FAM110B: variants seen among roughly 807,000 people sequenced by gnomAD.
FAM110B encodes the protein family with sequence similarity 110 member B.
FAM110B carries 6 observed loss-of-function variants against 20.4 expected under a neutral mutation model. That is an observed-to-expected ratio of 0.29 (90% confidence interval 0.16 to 0.58). The LOEUF (loss-of-function observed/expected upper bound fraction) is 0.58. Ranked by LOEUF, FAM110B falls within the 20% of genes least tolerant of loss-of-function variation. The pLI, the probability that FAM110B is intolerant of heterozygous loss-of-function variation, is 0.90. For synonymous variants in FAM110B, 226 were observed against 214.1 expected (o/e 1.06, Z -0.49); for missense variants, 434 against 498.2 (o/e 0.87, Z 1.23).
intron 2 of FAM110B, among the ~76,000 whole-genome samples, chr8:58,071,703 A>G (rs1254979917): frequency 6.6e-6 from 1 of 152,180 alleles, no homozygotes; most frequent in Non-Finnish European, 1.5e-5. Context: ...TTAAGGGGAA[A>G]AAAAGGAATA....
At chr8:58,040,781 T>C (rs1458704461) in intron 2 of FAM110B, among the ~76,000 whole-genome samples, 1 of 152,154 alleles carries the variant, frequency 6.6e-6, no homozygotes, top group African/African-American at 2.4e-5. Flanking sequence ...AAAATCAGTT[T>C]TTAATGAGAC....
rs112866276 is a variant in FAM110B at position 58,110,049 on chromosome 8, TA to T, written c.-325+34428del. On this transcript the variant is annotated intron_variant, in intron 3 of 3. Coordinates refer to ENST00000519262, the MANE Select transcript of FAM110B (RefSeq NM_001377989.1). ...GTGAGGACAGAATTCTCTGAAAAGC[TA>T]AGATATGGGACACCACAAAGGCCTG... Among the ~76,000 whole-genome samples the T allele has an allele frequency of 5.0e-3, 765 of 152,310 alleles. 8 individuals carry two copies. Among genetic ancestry groups the T allele is most frequent in the African/African-American group, 0.017 (695 of 41,572 alleles).
chr8:58,015,057 G>C (rs1445554446), intron 1 of FAM110B, among the ~76,000 whole-genome samples: 2 of 152,130 alleles, frequency 1.3e-5, no homozygotes. Context: ...GGCAGTTTTT[G>C]TTTAAGATAA....
chr8:58,108,032 A>G (rs1034598890), intron 3 of FAM110B, among the ~76,000 whole-genome samples: 2 of 152,220 alleles, frequency 1.3e-5, no homozygotes, highest in African/African-American at 4.8e-5. Flanking sequence ...CAGAGAAGCT[A>G]GTTGAATTTG....
chr8:57,997,098 A>G (rs1352773826), intron 1 of FAM110B, among the ~76,000 whole-genome samples: 1 of 152,196 alleles, frequency 6.6e-6, no homozygotes, highest in East Asian at 1.9e-4. Context: ...AAGGCATGGT[A>G]TTAACTCTTA....
At chr8:58,129,747 G>T (rs757303593) in intron 3 of FAM110B, among the ~76,000 whole-genome samples, 5 of 152,174 alleles carry the variant, frequency 3.3e-5, no homozygotes, top group Non-Finnish European at 5.9e-5. Flanking sequence ...ACCCATGCAG[G>T]GTCTCCAGTG....
intron 3 of FAM110B, among the ~76,000 whole-genome samples, chr8:58,076,514 C>T (rs925929445): frequency 6.6e-6 from 1 of 152,192 alleles, no homozygotes; most frequent in Non-Finnish European, 1.5e-5. Context: ...GGACTCCTTT[C>T]TGGTCCCCAC....
At chr8:58,122,701 G>A (rs921148923) in intron 3 of FAM110B, among the ~76,000 whole-genome samples, 3 of 151,786 alleles carry the variant, frequency 2.0e-5, no homozygotes, top group African/African-American at 7.3e-5. Flanking sequence ...CATTTCCTAG[G>A]CCTTTTGAAG....
Position 58,146,454 on chromosome 8 carries a change from T to C in FAM110B, c.224T>C (p.Val75Ala), listed in dbSNP as rs1803865675. ...GTGATCAACGCCAAGCAGGAGCCCG[T>C]GAAGCCCGCCGTGCTGGCCAAGCCC... Reference protein sequence around the residue: ...QEVINAKQEPVKPAVLAKPPV... With the variant: ...QEVINAKQEPAKPAVLAKPPV... Residue 75 changes from valine to alanine, a missense_variant, in exon 4 of 4, where the codon GTG becomes GCG. Physicochemically the swap from Val to Ala is moderately conservative, Grantham distance 64. Transcript: ENST00000519262. The C allele has an allele frequency of 6.2e-7, 1 of 1,613,212 alleles. No homozygotes were observed. Among genetic ancestry groups the C allele is most frequent in the South Asian group, 1.1e-5 (1 of 91,026 alleles).
intron 3 of FAM110B, among the ~76,000 whole-genome samples, chr8:58,082,356 T>A (rs961289100): frequency 6.6e-6 from 1 of 152,204 alleles, no homozygotes; most frequent in Non-Finnish European, 1.5e-5. Context: ...GCAGCCCCAC[T>A]GACAGCAGAA....
intron 2 of FAM110B, among the ~76,000 whole-genome samples, chr8:58,066,137 C>G (rs1805755613): frequency 6.6e-6 from 1 of 152,090 alleles, no homozygotes. Flanking sequence ...CTATAAAAAG[C>G]AGATCATTTG....
At chr8:58,019,507 A>G (rs983713179) in intron 1 of FAM110B, among the ~76,000 whole-genome samples, 3 of 152,050 alleles carry the variant, frequency 2.0e-5, no homozygotes, top group African/African-American at 7.2e-5. Context: ...CAGCCTGAAG[A>G]ACTTTCTCTA....
intron 2 of FAM110B, among the ~76,000 whole-genome samples, chr8:58,051,520 A>G (rs912755484): frequency 3.9e-5 from 6 of 152,126 alleles, no homozygotes; most frequent in Non-Finnish European, 8.8e-5. Flanking sequence ...ATAAGACAAA[A>G]TCAGGCTGCT....
intron 2 of FAM110B, among the ~76,000 whole-genome samples, chr8:58,074,070 T>C (rs1361073835): frequency 2.0e-5 from 3 of 152,232 alleles, no homozygotes; most frequent in African/African-American, 7.2e-5. Context: ...TCAAACCCTG[T>C]AAAATGCGCA....
chr8:58,144,818 C>T (rs1371043139), intron 3 of FAM110B, among the ~76,000 whole-genome samples: 2 of 152,066 alleles, frequency 1.3e-5, no homozygotes, highest in East Asian at 1.9e-4. Context: ...GGAATTGTTT[C>T]CAGGGGCTGC....
rs192524832 is a variant in FAM110B at position 58,094,349 on chromosome 8, A to C, written c.-325+18726A>C. Among the ~76,000 whole-genome samples, 547 of 152,290 alleles carry C rather than the reference A, an allele frequency of 3.6e-3. 3 individuals carry two copies. Among genetic ancestry groups the C allele is most frequent in the African/African-American group, 0.013 (529 of 41,558 alleles). ...GCAGGTTTTCAAAGGGAATGCTTCC[A>C]GTTTTTGCCCATTCAGTATGATATT... On this transcript the variant is annotated intron_variant, in intron 3 of 3. Transcript: ENST00000519262.
At chr8:58,107,096 A>G (rs1806938792) in intron 3 of FAM110B, among the ~76,000 whole-genome samples, 1 of 152,188 alleles carries the variant, frequency 6.6e-6, no homozygotes, top group Admixed American at 6.5e-5. Context: ...AAAGTAGTCA[A>G]ACCACTACTG....
At chr8:58,109,163 T>G (rs1035641687) in intron 3 of FAM110B, among the ~76,000 whole-genome samples, 1 of 152,206 alleles carries the variant, frequency 6.6e-6, no homozygotes, top group Non-Finnish European at 1.5e-5. Context: ...TCTTATCTGT[T>G]GATGACTTCC....
At chr8:58,002,388 CTT>C (rs1475208371) in intron 1 of FAM110B, among the ~76,000 whole-genome samples, 257 of 152,356 alleles carry the variant, frequency 1.7e-3, no homozygotes, top group African/African-American at 6.1e-3. Flanking sequence ...CCAGGTACCA[CTT>C]CTCTAAGTCC....
Sources: allele counts gnomAD v4.1 joint callset (sites outside exome capture counted in the v4.1 genomes callset), GRCh38; gene constraint gnomAD v4.1.1; transcripts MANE v1.5; gene names NCBI Gene and HGNC (gene_info 2026-07-23, HGNC 2026-07-21).